Variants in WSCD2 observed in about 807,000 individuals in gnomAD.
WSCD2 encodes sialate:O-sulfotransferase 2.
In WSCD2, 28 loss-of-function variants were observed where a neutral mutation model predicts 55.7. The observed-to-expected ratio is 0.50, with a 90% confidence interval of 0.37 to 0.69. The LOEUF (loss-of-function observed/expected upper bound fraction) is 0.69, where lower values mean the gene tolerates loss of function less well. WSCD2 is among the 30% of genes least tolerant of loss of function. The probability of loss-of-function intolerance (pLI) is 0.00; values close to 1 mark genes in which losing one functional copy is unlikely to be tolerated. For synonymous variants in WSCD2, 301 were observed against 301.9 expected, an observed-to-expected ratio of 1.00 and a Z score of 0.03; for missense variants, 616 against 762.1, an observed-to-expected ratio of 0.81 and a Z score of 2.26.
rs530769247 is a variant in WSCD2 at position 108,186,981 on chromosome 12, TTTC to T, written c.-551-8290_-551-8288del. ...CAGTGTCTCTTCTCTGCTCAGCTAC[TTTC>T]TTCTTCTTCTCTTTGCAGACTTAAC... On this transcript the variant is annotated intron_variant, in intron 1 of 8. Transcript: ENST00000547525. Among the ~76,000 whole-genome samples, 341 of 152,328 alleles carry T rather than the reference TTTC, an allele frequency of 2.2e-3. 1 individual carries two copies. The highest frequency in any genetic ancestry group is 7.6e-3 in the African/African-American group (314 of 41,568).
chr12:108,188,989 GC>G (rs1222645813), intron 1 of WSCD2, among the ~76,000 whole-genome samples: 1 of 152,154 alleles, frequency 6.6e-6, no homozygotes, highest in Non-Finnish European at 1.5e-5. Flanking sequence ...GTCCTATATT[GC>G]TTTCCGGGGA....
At chr12:108,144,744 CTTA>C (rs1341876612) in intron 1 of WSCD2, among the ~76,000 whole-genome samples, 1 of 152,176 alleles carries the variant, frequency 6.6e-6, no homozygotes, top group African/African-American at 2.4e-5. Flanking sequence ...AATGATGCCT[CTTA>C]TTGTGAGTGA....
chr12:108,222,519 T>C (rs928845915), intron 4 of WSCD2, among the ~76,000 whole-genome samples: 5 of 152,268 alleles, frequency 3.3e-5, no homozygotes, highest in African/African-American at 9.6e-5. Context: ...CTGATGGTTT[T>C]GATCACACTG....
chr12:108,239,267 C>T (rs1889516537), intron 7 of WSCD2, among the ~76,000 whole-genome samples: 1 of 152,148 alleles, frequency 6.6e-6, no homozygotes, highest in South Asian at 2.1e-4. Context: ...CCTGGCCCTC[C>T]CTTCCCAGCT....
intron 2 of WSCD2, among the ~76,000 whole-genome samples, chr12:108,202,884 G>T (rs1593010881): frequency 6.6e-6 from 1 of 152,184 alleles, no homozygotes; most frequent in African/African-American, 2.4e-5. Context: ...TAAAAGCCCA[G>T]GCTTTGGGGA....
chr12:108,179,849 A>G (rs909501955), intron 1 of WSCD2, among the ~76,000 whole-genome samples: 1 of 152,216 alleles, frequency 6.6e-6, no homozygotes, highest in African/African-American at 2.4e-5. Context: ...TTCTAGAGTC[A>G]TGGTGAACAT....
Position 108,249,046 on chromosome 12 carries a change from C to T in WSCD2, c.*703C>T. ...GCCTTTCCACCTCCAGGGCATGAAC[C>T]CTGCCCCTTTCTATCCATGCTGTGT... On this transcript the variant is annotated 3_prime_UTR_variant, in exon 9 of 9. Transcript: ENST00000547525. The T allele has an allele frequency of 9.0e-6, 4 of 443,570 alleles. No homozygotes were observed. Among genetic ancestry groups the T allele is most frequent in the Non-Finnish European group, 1.2e-5 (4 of 334,242 alleles). 27.5% of individuals were successfully genotyped at this position (443,570 alleles called of 1,614,324 possible).
chr12:108,143,409 G>C (rs945261329), intron 1 of WSCD2, among the ~76,000 whole-genome samples: 1 of 151,986 alleles, frequency 6.6e-6, no homozygotes, highest in South Asian at 2.1e-4. Context: ...GAGCCACAAA[G>C]ACCAATAGCT....
Position 108,213,718 on chromosome 12 carries a change from G to C in WSCD2, c.682+3413G>C, listed in dbSNP as rs1024684269. 2.0e-5 allele frequency among the ~76,000 whole-genome samples: 3 copies of C among 152,348 alleles called. No individual in the cohort carries two copies. The East Asian group carries it at 5.8e-4, about 29-fold the overall frequency. Reference sequence around the variant, plus strand: ...AAGCCTGGTGCCTATTGCAGGAAATGACTGGCAGGCATGGTTTTTCCAAGG... The same window carrying C: ...AAGCCTGGTGCCTATTGCAGGAAATCACTGGCAGGCATGGTTTTTCCAAGG... On this transcript the variant is annotated intron_variant, in intron 4 of 8. Transcript: ENST00000547525.
chr12:108,206,347 C>T lies in WSCD2; in HGVS notation c.441C>T (p.Ser147=). Residue 147 remains serine, a synonymous_variant, in exon 3 of 9, where the codon TCC becomes TCT. Coordinates refer to ENST00000547525, the MANE Select transcript of WSCD2 (RefSeq NM_014653.4). ...DTQSRALRGV[S]FFDYKKMTIF... ...AGAGTCGGGCCCTTCGAGGAGTGTC[C>T]TTTTTTGACTACAAAAAGATGACCA... is the stretch of plus-strand genomic sequence containing the variant. The T allele has an allele frequency of 6.2e-7, 1 of 1,614,190 alleles. No individual in the cohort carries two copies. The highest frequency in any genetic ancestry group is 2.2e-5 in the East Asian group (1 of 44,890).
chr12:108,142,259 C>T (rs1453374567), intron 1 of WSCD2, among the ~76,000 whole-genome samples: 1 of 152,136 alleles, frequency 6.6e-6, no homozygotes, highest in Non-Finnish European at 1.5e-5. Flanking sequence ...GATTTTTCTT[C>T]TTATGGCATC....
intron 7 of WSCD2, among the ~76,000 whole-genome samples, chr12:108,238,048 G>C (rs765750098): frequency 2.6e-5 from 4 of 152,230 alleles, no homozygotes; most frequent in Non-Finnish European, 5.9e-5. Flanking sequence ...ATGAAACCAT[G>C]GATGGAAAGC....
intron 1 of WSCD2, among the ~76,000 whole-genome samples, chr12:108,168,736 A>G (rs1451088275): frequency 6.6e-6 from 1 of 152,234 alleles, no homozygotes; most frequent in Non-Finnish European, 1.5e-5. Context: ...ATCCAAGTGG[A>G]AAAACAAGCC....
At chr12:108,160,888 G>T (rs753192996) in intron 1 of WSCD2, among the ~76,000 whole-genome samples, 3 of 152,324 alleles carry the variant, frequency 2.0e-5, no homozygotes, top group Admixed American at 6.5e-5. Context: ...TGACATTGAC[G>T]AGCTTTGCAA....
At chr12:108,220,024 G>A (rs375800353) in intron 4 of WSCD2, among the ~76,000 whole-genome samples, 18 of 152,332 alleles carry the variant, frequency 1.2e-4, no homozygotes, top group Admixed American at 2.0e-4. Context: ...GAGTGGACAC[G>A]AAGGGTGGGA....
At position 108,232,719 on chromosome 12, in the gene WSCD2, C is replaced by T. The variant is rs376101840; in HGVS notation, c.980-12C>T. Reference sequence around the variant, plus strand: ...CTGGTGTTGACCTCTGTCCATGCTCCGCCCTTTTCAGACAACCGTTGCATG... The same window carrying T: ...CTGGTGTTGACCTCTGTCCATGCTCTGCCCTTTTCAGACAACCGTTGCATG... On this transcript the variant is annotated splice_polypyrimidine_tract_variant and intron_variant, in intron 6 of 8. Coordinates refer to ENST00000547525, the MANE Select transcript of WSCD2 (RefSeq NM_014653.4). 116 of 1,605,568 alleles carry T rather than the reference C, an allele frequency of 7.2e-5. No individual in the cohort carries two copies. Among genetic ancestry groups the T allele is most frequent in the East Asian group, 4.9e-4 (22 of 44,578 alleles).
Position 108,195,773 on chromosome 12 carries a change from T to TCC in WSCD2, c.-59_-58dup. On this transcript the variant is annotated 5_prime_UTR_variant, in exon 2 of 9. Transcript: ENST00000547525. ...GGAAAGCTTGGGAAACCAAGCCCCT[T>TCC]CCATCCTCTCCCAAGCACCCCAGCC... 1 of 1,538,382 alleles carries TCC rather than the reference T, an allele frequency of 6.5e-7. No individual in the cohort carries two copies. The highest frequency in any genetic ancestry group is 8.8e-7 in the Non-Finnish European group (1 of 1,142,030).
At chr12:108,200,296 G>T (rs974536087) in intron 2 of WSCD2, among the ~76,000 whole-genome samples, 1 of 152,174 alleles carries the variant, frequency 6.6e-6, no homozygotes, top group African/African-American at 2.4e-5. Flanking sequence ...AATATTGAGT[G>T]CCATTTCACG....
chr12:108,249,890 G>C lies in WSCD2; in HGVS notation c.*1547G>C, dbSNP rs1296716323. On this transcript the variant is annotated 3_prime_UTR_variant, in exon 9 of 9. Coordinates refer to ENST00000547525, the MANE Select transcript of WSCD2 (RefSeq NM_014653.4). The stretch of plus-strand genomic sequence containing the variant: ...GCCCCAGGCCCACCCAGGGGGCTCT[G>C]AATGTATTTTGTACCGTGTTTCTTT... 2.6e-5 allele frequency: 4 copies of C among 152,670 alleles called. No individual in the cohort carries two copies. The highest frequency in any genetic ancestry group is 5.9e-5 in the Non-Finnish European group (4 of 68,062). The allele number at this position is 152,670 out of a possible 1,614,324, so 9.5% of individuals were successfully genotyped here.
Sources: allele counts gnomAD v4.1 joint callset (sites outside exome capture counted in the v4.1 genomes callset), GRCh38; gene constraint gnomAD v4.1.1; transcripts MANE v1.5; gene names NCBI Gene and HGNC (gene_info 2026-07-23, HGNC 2026-07-21).